Variants in TRPM3 observed in about 807,000 individuals in gnomAD.
TRPM3 encodes long transient receptor potential channel 3.
Under a neutral mutation model 181.2 loss-of-function variants are expected in TRPM3, and 77 were observed. That is an observed-to-expected ratio of 0.42 (90% CI 0.35 to 0.51). The LOEUF (loss-of-function observed/expected upper bound fraction) is 0.51. TRPM3 is among the 20% of genes least tolerant of loss of function. TRPM3 has a pLI of 0.01. For synonymous variants in TRPM3, 745 were observed against 796.4 expected (o/e 0.94, Z 1.09); for missense variants, 1,759 against 2,196.7 (o/e 0.80, Z 3.98).
intron 1 of TRPM3, among the ~76,000 whole-genome samples, chr9:71,120,215 G>A (rs1260494666): frequency 1.3e-5 from 2 of 152,112 alleles, no homozygotes; most frequent in African/African-American, 4.8e-5. Flanking sequence ...AATCAAAAGA[G>A]CATACATACT....
intron 1 of TRPM3, among the ~76,000 whole-genome samples, chr9:71,059,248 A>G (rs1565098554): frequency 6.6e-6 from 1 of 151,844 alleles, no homozygotes; most frequent in Non-Finnish European, 1.5e-5. Context: ...CCTTGTTGCC[A>G]GGCTCCCTCT....
At chr9:71,310,560 C>T (rs549653180) in intron 1 of TRPM3, among the ~76,000 whole-genome samples, 5 of 152,074 alleles carry the variant, frequency 3.3e-5, no homozygotes, top group Non-Finnish European at 7.4e-5. Context: ...TTCATAGCCA[C>T]CAAGCAAGTT....
At chr9:70,760,866 T>G (rs1168028822) in intron 8 of TRPM3, 1 of 152,416 alleles carries the variant, frequency 6.6e-6, no homozygotes, top group Non-Finnish European at 1.5e-5. Context: ...TCTTAGCTCC[T>G]CATTTACTAA....
chr9:71,216,424 G>A (rs1267260546), intron 1 of TRPM3, among the ~76,000 whole-genome samples: 1 of 151,914 alleles, frequency 6.6e-6, no homozygotes, highest in East Asian at 1.9e-4. Flanking sequence ...GCCTAACGGA[G>A]AAAATATTAT....
At chr9:71,395,746 G>T (rs79474089) in intron 1 of TRPM3, among the ~76,000 whole-genome samples, 2 of 152,110 alleles carry the variant, frequency 1.3e-5, no homozygotes, top group African/African-American at 4.8e-5. Flanking sequence ...CTAGGTTCAC[G>T]GAATGTGCTC....
chr9:70,611,341 G>A (rs1407750302), intron 18 of TRPM3, among the ~76,000 whole-genome samples: 4 of 152,186 alleles, frequency 2.6e-5, no homozygotes, highest in African/African-American at 7.2e-5. Context: ...GGAGGGACCT[G>A]GTGAGAGGTG....
chr9:71,369,273 G>A (rs958264906), intron 1 of TRPM3, among the ~76,000 whole-genome samples: 3 of 152,040 alleles, frequency 2.0e-5, no homozygotes, highest in Admixed American at 1.3e-4. Context: ...AAAAAAGAGG[G>A]AAAATACTAA....
intron 8 of TRPM3, among the ~76,000 whole-genome samples, chr9:70,682,397 A>G (rs1401331835): frequency 1.3e-5 from 2 of 152,058 alleles, no homozygotes; most frequent in Non-Finnish European, 2.9e-5. Flanking sequence ...CAGTTCCATA[A>G]CTCCTAAATT....
At chr9:71,100,276 C>T (rs2068104200) in intron 1 of TRPM3, among the ~76,000 whole-genome samples, 1 of 152,050 alleles carries the variant, frequency 6.6e-6, no homozygotes, top group Non-Finnish European at 1.5e-5. Flanking sequence ...AAGTCAATGT[C>T]TTTACCCTAA....
intron 1 of TRPM3, among the ~76,000 whole-genome samples, chr9:70,889,899 T>C (rs946905907): frequency 1.3e-5 from 2 of 149,330 alleles, no homozygotes; most frequent in African/African-American, 4.9e-5. Context: ...ACAGTATATA[T>C]AGTAAACAAC....
chr9:71,110,579 A>G (rs554918243), intron 1 of TRPM3, among the ~76,000 whole-genome samples: 1 of 152,298 alleles, frequency 6.6e-6, no homozygotes, highest in Non-Finnish European at 1.5e-5. Flanking sequence ...TATGAGCCAC[A>G]AAGCCTAAAC....
intron 1 of TRPM3, among the ~76,000 whole-genome samples, chr9:71,374,359 G>C (rs181911055): frequency 6.6e-6 from 1 of 152,200 alleles, no homozygotes; most frequent in East Asian, 1.9e-4. Context: ...GGGCAACAGA[G>C]AGACTCCGTG....
chr9:71,076,359 TG>T, intron 1 of TRPM3, among the ~76,000 whole-genome samples: 1 of 152,206 alleles, frequency 6.6e-6, no homozygotes, highest in Non-Finnish European at 1.5e-5. Context: ...CATGAACTAA[TG>T]TGCCACAGAA....
intron 1 of TRPM3, among the ~76,000 whole-genome samples, chr9:71,212,413 A>T (rs1446663460): frequency 6.6e-6 from 1 of 152,088 alleles, no homozygotes; most frequent in Non-Finnish European, 1.5e-5. Context: ...GAATCAGTGT[A>T]TTATTGGTGT....
intron 1 of TRPM3, among the ~76,000 whole-genome samples, chr9:71,305,023 T>G (rs2087139467): frequency 6.6e-6 from 1 of 152,130 alleles, no homozygotes; most frequent in Non-Finnish European, 1.5e-5. Flanking sequence ...AAAATACCCC[T>G]GTGAGACAGA....
intron 1 of TRPM3, among the ~76,000 whole-genome samples, chr9:70,963,740 C>T (rs1401871982): frequency 6.6e-6 from 1 of 152,038 alleles, no homozygotes; most frequent in Non-Finnish European, 1.5e-5. Context: ...AGACTGGGCA[C>T]CAAAATCTAC....
intron 1 of TRPM3, among the ~76,000 whole-genome samples, chr9:71,306,546 G>A (rs1452577733): frequency 6.6e-6 from 1 of 152,042 alleles, no homozygotes; most frequent in Admixed American, 6.6e-5. Context: ...TCACTATTCT[G>A]ATATCTATAA....
At chr9:70,644,253 G>A (rs2058486364) in intron 9 of TRPM3, among the ~76,000 whole-genome samples, 1 of 152,182 alleles carries the variant, frequency 6.6e-6, no homozygotes, top group Admixed American at 6.5e-5. Context: ...TAGAAGTGCT[G>A]TGAAGGAGCA....
chr9:70,928,373 G>T (rs138835373), intron 1 of TRPM3, among the ~76,000 whole-genome samples: 1 of 152,258 alleles, frequency 6.6e-6, no homozygotes, highest in Non-Finnish European at 1.5e-5. Flanking sequence ...TGCTAAAAGG[G>T]TGATCCTAGG....
Sources: allele counts gnomAD v4.1 joint callset (sites outside exome capture counted in the v4.1 genomes callset), GRCh38; gene constraint gnomAD v4.1.1; transcripts MANE v1.5; gene names NCBI Gene and HGNC (gene_info 2026-07-23, HGNC 2026-07-21).